The following NUP210L variants were observed in gnomAD, a reference collection of about 807,000 sequenced individuals.
NUP210L encodes nucleoporin 210 like.
Under a neutral mutation model 208.5 loss-of-function variants are expected in NUP210L, and 74 were observed. The observed-to-expected ratio is 0.35, with a 90% CI of 0.29 to 0.43. The LOEUF (loss-of-function observed/expected upper bound fraction) is 0.43, where lower values mean the gene tolerates loss of function less well. NUP210L is among the 20% of genes least tolerant of loss of function. The pLI is 1.00. For synonymous variants in NUP210L, 780 were observed against 816.9 expected (o/e 0.95, Z 0.77); for missense variants, 1,843 against 2,289.4 (o/e 0.81, Z 3.98).
intron 3 of NUP210L, among the ~76,000 whole-genome samples, chr1:154,142,336 G>A (rs1371660413): frequency 6.6e-6 from 1 of 151,898 alleles, no homozygotes; most frequent in Non-Finnish European, 1.5e-5. Flanking sequence ...TTAGAAGCAT[G>A]AGCCACCACG....
chr1:153,993,251 GTTAC>G (rs1324344374), intron 38 of NUP210L, among the ~76,000 whole-genome samples, 162 bp from the exon 39 acceptor site: 2 of 152,122 alleles, frequency 1.3e-5, no homozygotes, highest in Non-Finnish European at 2.9e-5. Context: ...CCATTTTAGA[GTTAC>G]TTTCAGCTTT....
intron 10 of NUP210L, among the ~76,000 whole-genome samples, chr1:154,125,632 A>C (rs192182159): frequency 0.26 from 352 of 1,342 alleles, no homozygotes; most frequent in Non-Finnish European, 0.39. Context: ...AAAGGAAGGA[A>C]GGAAGGAAGG....
intron 15 of NUP210L, among the ~76,000 whole-genome samples, chr1:154,092,427 T>C (rs1259009823): frequency 1.3e-5 from 2 of 151,006 alleles, no homozygotes; most frequent in African/African-American, 4.9e-5. Context: ...TGGAGTGCAG[T>C]GGCGCGATCT....
intron 16 of NUP210L, among the ~76,000 whole-genome samples, chr1:154,085,982 C>T (rs781759008): frequency 1.3e-5 from 2 of 151,946 alleles, no homozygotes; most frequent in South Asian, 2.1e-4. Flanking sequence ...GAGGCCAAGG[C>T]GGGCAGATCA....
chr1:154,053,729 A>C (rs926142334), intron 25 of NUP210L, among the ~76,000 whole-genome samples: 19 of 152,346 alleles, frequency 1.2e-4, no homozygotes, highest in Non-Finnish European at 2.6e-4. Flanking sequence ...TAATCTATAG[A>C]AACAATGCTT....
chr1:154,076,338 A>G (rs113206949), intron 16 of NUP210L, among the ~76,000 whole-genome samples: 117 of 151,674 alleles, frequency 7.7e-4, no homozygotes, highest in African/African-American at 2.2e-3. Context: ...TCCTGACCTC[A>G]TGATCCACCC....
chr1:154,094,513 T>C (rs1571265165), intron 15 of NUP210L, among the ~76,000 whole-genome samples: 1 of 152,244 alleles, frequency 6.6e-6, no homozygotes, highest in East Asian at 1.9e-4. Context: ...ATAAAATATA[T>C]TTATTATTCG....
chr1:154,130,123 G>A (rs1658168650), intron 7 of NUP210L, among the ~76,000 whole-genome samples: 2 of 152,208 alleles, frequency 1.3e-5, no homozygotes, highest in South Asian at 4.2e-4. Flanking sequence ...TGGACTGTCT[G>A]AGGTCAGGAG....
At chr1:154,109,875 C>G (rs575403948) in intron 12 of NUP210L, among the ~76,000 whole-genome samples, 1 of 151,216 alleles carries the variant, frequency 6.6e-6, no homozygotes, top group East Asian at 1.9e-4. Context: ...CACAACATAA[C>G]AAAACCTATG....
intron 15 of NUP210L, among the ~76,000 whole-genome samples, chr1:154,090,275 T>C (rs1185061899): frequency 1.3e-5 from 2 of 152,136 alleles, no homozygotes; most frequent in African/African-American, 4.8e-5. Flanking sequence ...GCCAAATATT[T>C]TGTTACAAGT....
intron 32 of NUP210L, among the ~76,000 whole-genome samples, 163 bp from the exon 33 acceptor site, chr1:154,019,232 T>C (rs935843891): frequency 6.6e-6 from 1 of 152,188 alleles, no homozygotes; most frequent in Non-Finnish European, 1.5e-5. Context: ...CAGGTTCCTC[T>C]TCGTATATCA....
chr1:154,084,821 G>T (rs1655540211), intron 16 of NUP210L, among the ~76,000 whole-genome samples: 1 of 149,872 alleles, frequency 6.7e-6, no homozygotes, highest in South Asian at 2.1e-4. Flanking sequence ...TTGGGGGGAG[G>T]ATTTAAATTT....
At chr1:154,047,076 AG>A (rs1653224392) in intron 25 of NUP210L, among the ~76,000 whole-genome samples, 1 of 152,172 alleles carries the variant, frequency 6.6e-6, no homozygotes, top group Non-Finnish European at 1.5e-5. Context: ...ACAAAAAAGT[AG>A]AACAATGGTT....
chr1:154,134,989 C>T (rs1375012367), intron 7 of NUP210L, among the ~76,000 whole-genome samples: 1 of 151,954 alleles, frequency 6.6e-6, no homozygotes, highest in Non-Finnish European at 1.5e-5. Context: ...CAGCCGGCCT[C>T]GGCCTCCCAA....
rs181780033 is a variant in NUP210L at position 154,060,750 on chromosome 1, T to C, written c.2749-109A>G. The stretch of plus-strand genomic sequence containing the variant: ...AGAATATGGGATAAAAAGATTAAAG[T>C]GAATAGACAAAAGACAAAATACAAT... On this transcript the variant is annotated intron_variant, in intron 19 of 39. Transcript: ENST00000368559. The C allele has an allele frequency of 1.2e-4, 97 of 824,140 alleles. 2 individuals carry two copies. The Middle Eastern group carries it at 2.0e-3, about 17-fold the overall frequency. 51.1% of individuals were successfully genotyped at this position (824,140 alleles called of 1,614,324 possible).
At chr1:154,120,343 T>C (rs1480241911) in intron 10 of NUP210L, among the ~76,000 whole-genome samples, 1 of 152,114 alleles carries the variant, frequency 6.6e-6, no homozygotes, top group African/African-American at 2.4e-5. Context: ...TGGATGAAGC[T>C]GGAAACCATC....
intron 6 of NUP210L, 69 bp downstream of exon 6, chr1:154,138,037 G>C (rs1658635815): frequency 8.9e-7 from 1 of 1,123,624 alleles, no homozygotes; most frequent in African/African-American, 1.6e-5. Context: ...GTAATGTGGA[G>C]TTGCTGATCT....
intron 15 of NUP210L, among the ~76,000 whole-genome samples, chr1:154,093,464 A>T (rs1175751960): frequency 6.6e-6 from 1 of 152,152 alleles, no homozygotes; most frequent in African/African-American, 2.4e-5. Context: ...ACAATAAAAG[A>T]TTGAGGACCA....
At chr1:154,103,393 C>T (rs1407854989) in intron 13 of NUP210L, among the ~76,000 whole-genome samples, 1 of 149,552 alleles carries the variant, frequency 6.7e-6, no homozygotes, top group Non-Finnish European at 1.5e-5. Flanking sequence ...AGACACTGGG[C>T]CGGGCGCGGT....
Sources: gnomAD v4.1 joint callset for allele counts (sites outside exome capture counted in the v4.1 genomes callset) on GRCh38, gnomAD v4.1.1 for gene constraint, MANE v1.5 for transcripts, NCBI Gene and HGNC (gene_info 2026-07-23, HGNC 2026-07-21) for gene names.